Variants in ST18 observed in about 807,000 individuals in gnomAD.
ST18 encodes suppression of tumorigenicity 18 protein.
A neutral mutation model predicts 110.0 loss-of-function variants in ST18; 50 were observed. That is an observed-to-expected ratio of 0.45 (90% CI 0.36 to 0.58). The LOEUF (loss-of-function observed/expected upper bound fraction) is 0.58. Among genes scored for constraint, ST18 ranks in the 20% least tolerant of loss-of-function variants. The pLI is 0.00. For synonymous variants in ST18, 461 were observed against 452.4 expected (o/e 1.02, Z -0.24); for missense variants, 1,306 against 1,280.1 (o/e 1.02, Z -0.31).
At chr8:52,242,944 C>A (rs910180697) in intron 2 of ST18, among the ~76,000 whole-genome samples, 2 of 151,432 alleles carry the variant, frequency 1.3e-5, no homozygotes, top group Non-Finnish European at 1.5e-5. Context: ...TATTATTGGA[C>A]AAAAATGTTT....
intron 8 of ST18, among the ~76,000 whole-genome samples, chr8:52,210,890 G>A (rs561783752): frequency 2.5e-4 from 38 of 152,224 alleles, no homozygotes; most frequent in South Asian, 8.3e-4. Context: ...TGTTTTAGAG[G>A]AATCACAAGC....
At chr8:52,404,566 T>G (rs1843808100) in intron 2 of ST18, 1 of 152,158 alleles carries the variant, frequency 6.6e-6, no homozygotes, top group South Asian at 2.1e-4. Flanking sequence ...CAGCACTGTT[T>G]TCGGGAACTA....
rs572087084 is a variant in ST18 at position 52,320,373 on chromosome 8, A to G, written c.-465+88955T>C. ...AGGAGGCTGTGTAAATGTTCCTACTATTGATTTTTTTTTTACCACAAATAA... is the reference window on the plus strand; with the variant it reads ...AGGAGGCTGTGTAAATGTTCCTACTGTTGATTTTTTTTTTACCACAAATAA... On this transcript the variant is annotated intron_variant, in intron 2 of 25. Transcript: ENST00000689386. Among the ~76,000 whole-genome samples, 237 of 152,064 alleles carry G rather than the reference A, an allele frequency of 1.6e-3. 2 individuals are homozygous for G. The highest frequency in any genetic ancestry group is 5.5e-3 in the African/African-American group (227 of 41,372).
At chr8:52,130,130 A>AGAAAGAAAGAAC (rs1222548282) in intron 22 of ST18, among the ~76,000 whole-genome samples, 7 of 147,926 alleles carry the variant, frequency 4.7e-5, no homozygotes, top group African/African-American at 1.5e-4. Context: ...AAAGAAAGAA[A>AGAAAGAAAGAAC]GAAAGAAAGA....
At chr8:52,215,224 T>C (rs753150749) in intron 6 of ST18, among the ~76,000 whole-genome samples, 125 of 152,336 alleles carry the variant, frequency 8.2e-4, no homozygotes, top group Non-Finnish European at 1.4e-3. Flanking sequence ...TTGAAGGCAC[T>C]GACCTGCCAT....
chr8:52,257,669 A>T, intron 2 of ST18, among the ~76,000 whole-genome samples: 1 of 152,072 alleles, frequency 6.6e-6, no homozygotes, highest in Non-Finnish European at 1.5e-5. Flanking sequence ...TGCTCTTTCT[A>T]TATGTATTCT....
At chr8:52,319,776 A>C (rs984051924) in intron 2 of ST18, among the ~76,000 whole-genome samples, 21 of 152,196 alleles carry the variant, frequency 1.4e-4, no homozygotes, top group African/African-American at 5.1e-4. Flanking sequence ...CTGAAGGTTC[A>C]ATCAGGCTGG....
intron 2 of ST18, among the ~76,000 whole-genome samples, chr8:52,379,087 C>A (rs1833495492): frequency 7.9e-6 from 1 of 127,072 alleles, no homozygotes; most frequent in East Asian, 2.4e-4. Flanking sequence ...AGAATAAAAT[C>A]TATTTCTTTT....
At position 52,321,363 on chromosome 8, in the gene ST18, A is replaced by C. The variant is rs146580702; in HGVS notation, c.-465+87965T>G. 1.4e-3 allele frequency among the ~76,000 whole-genome samples: 218 copies of C among 152,326 alleles called. 1 individual carries two copies. The East Asian group carries it at 0.037, about 26-fold the overall frequency. On this transcript the variant is annotated intron_variant, in intron 2 of 25. Transcript: ENST00000689386. The stretch of plus-strand genomic sequence containing the variant: ...GGTAGTGCTATTAACTGTTAGCTCT[A>C]GTGTCATCTACACTTCTCTATCAAT...
chr8:52,330,200 T>C (rs1258001559), intron 2 of ST18, among the ~76,000 whole-genome samples: 1 of 152,214 alleles, frequency 6.6e-6, no homozygotes, highest in Admixed American at 6.5e-5. Context: ...ATTATTCTTA[T>C]CTTCATTTAA....
chr8:52,197,669 G>A (rs1421820468), intron 8 of ST18, among the ~76,000 whole-genome samples: 2 of 152,072 alleles, frequency 1.3e-5, no homozygotes, highest in East Asian at 3.9e-4. Flanking sequence ...ATAAAAAGAA[G>A]GAACAGTGAG....
intron 2 of ST18, among the ~76,000 whole-genome samples, chr8:52,277,428 A>C (rs1373441530): frequency 2.6e-5 from 4 of 152,228 alleles, no homozygotes; most frequent in Non-Finnish European, 5.9e-5. Flanking sequence ...AGCAGAATGT[A>C]GTACTTTTCT....
chr8:52,165,443 T>G (rs1292824819), intron 11 of ST18, among the ~76,000 whole-genome samples: 1 of 152,246 alleles, frequency 6.6e-6, no homozygotes, highest in Admixed American at 6.5e-5. Flanking sequence ...CTCCACGTTG[T>G]GTTTACACTA....
intron 2 of ST18, among the ~76,000 whole-genome samples, chr8:52,297,217 G>A (rs994140266): frequency 2.6e-5 from 4 of 152,178 alleles, no homozygotes; most frequent in African/African-American, 9.7e-5. Context: ...TCAGAGCCCA[G>A]CTCCCCAGCT....
intron 2 of ST18, among the ~76,000 whole-genome samples, chr8:52,312,561 T>A (rs2095938745): frequency 6.6e-6 from 1 of 152,152 alleles, no homozygotes; most frequent in Non-Finnish European, 1.5e-5. Flanking sequence ...ACCAGATGGA[T>A]CCTAGAAGAA....
At chr8:52,246,854 A>G (rs1218224926) in intron 2 of ST18, among the ~76,000 whole-genome samples, 1 of 152,212 alleles carries the variant, frequency 6.6e-6, no homozygotes, top group Non-Finnish European at 1.5e-5. Flanking sequence ...ATAAGGCAAC[A>G]TTTATCTCCC....
intron 19 of ST18, among the ~76,000 whole-genome samples, chr8:52,135,809 G>A (rs1287286884): frequency 6.6e-6 from 1 of 151,938 alleles, no homozygotes; most frequent in Admixed American, 6.6e-5. Flanking sequence ...TACGTGAAAT[G>A]TTACATGTGT....
In ST18 at chr8:52,165,219, G is replaced by A. The variant is rs763145957; in HGVS notation, c.1211C>T (p.Ala404Val). 6.2e-7 allele frequency: 1 copy of A among 1,614,106 alleles called. No individual in the cohort carries two copies. The highest frequency in any genetic ancestry group is 8.5e-7 in the Non-Finnish European group (1 of 1,180,026). ...ACACTTGAGCACATTTTCATGCATGGCAAGAACTAAGCACAAAACAACACA... is the reference window on the plus strand; with the variant it reads ...ACACTTGAGCACATTTTCATGCATGACAAGAACTAAGCACAAAACAACACA... The part of the protein sequence containing the change: ...HKVRVPLEIL[A>V]MHENVLKCPT... The change falls in exon 12 of 26, where the codon GCC becomes GTC. Residue 404 changes from alanine (A) to valine (V), a missense_variant. Physicochemically the swap from Ala to Val is moderately conservative, Grantham distance 64 (BLOSUM62 0). Coordinates refer to ENST00000689386, the MANE Select transcript of ST18 (RefSeq NM_001352837.2).
At chr8:52,332,880 T>C (rs1039939707) in intron 2 of ST18, among the ~76,000 whole-genome samples, 1 of 152,080 alleles carries the variant, frequency 6.6e-6, no homozygotes, top group Non-Finnish European at 1.5e-5. Flanking sequence ...TATATATATA[T>C]GACCAATGGG....
Sources: allele counts gnomAD v4.1 joint callset (sites outside exome capture counted in the v4.1 genomes callset), GRCh38; gene constraint gnomAD v4.1.1; transcripts MANE v1.5; gene names NCBI Gene and HGNC (gene_info 2026-07-23, HGNC 2026-07-21).